The following GPHN variants were observed in gnomAD, a reference collection of about 807,000 sequenced individuals.
GPHN encodes the protein gephyrin.
GPHN carries 17 observed loss-of-function variants against 95.5 expected under a neutral mutation model. The observed-to-expected ratio is 0.18, with a 90% CI of 0.12 to 0.27. GPHN has a LOEUF of 0.27. Ranked by LOEUF, GPHN falls within the 10% of genes least tolerant of loss-of-function variation. GPHN has a pLI of 1.00. For missense variants in GPHN, 660 were observed against 978.1 expected (o/e 0.67, Z 4.34); for synonymous variants, 320 against 322.5 (o/e 0.99, Z 0.08).
intron 9 of GPHN, among the ~76,000 whole-genome samples, chr14:66,981,620 A>C (rs1051139503): frequency 6.6e-6 from 1 of 152,178 alleles, no homozygotes; most frequent in Non-Finnish European, 1.5e-5. Flanking sequence ...AAAAGCCATG[A>C]TATGGTATAA....
chr14:67,318,430 T>C, the GPHN span, among the ~76,000 whole-genome samples: 2,962 of 151,728 alleles, frequency 0.02, 40 homozygotes, highest in Middle Eastern at 0.034. Context: ...AATATCTCTT[T>C]TATTTTTTGA....
At chr14:67,724,613 T>C in the GPHN span, 3 of 1,528,352 alleles carry the variant, frequency 2.0e-6, no homozygotes, top group Non-Finnish European at 2.7e-6. Context: ...CCCTTTAGTC[T>C]CCAAAGGGCC....
the GPHN span, among the ~76,000 whole-genome samples, chr14:67,394,017 G>A: frequency 1.3e-5 from 2 of 152,148 alleles, no homozygotes; most frequent in Admixed American, 6.5e-5. Context: ...TGAGAAACTG[G>A]AATTGTCAGC....
At chr14:66,959,287 ATTTC>A (rs1267185587) in intron 8 of GPHN, among the ~76,000 whole-genome samples, 2 of 151,970 alleles carry the variant, frequency 1.3e-5, no homozygotes, top group Non-Finnish European at 2.9e-5. Flanking sequence ...AGAGTTCTGT[ATTTC>A]TTCATGTCAG....
intron 17 of GPHN, among the ~76,000 whole-genome samples, chr14:67,133,751 GAAACATGC>G (rs2153698877): frequency 6.6e-6 from 1 of 152,232 alleles, no homozygotes. Context: ...GATTTATTTT[GAAACATGC>G]TCCTCCTTTC....
At chr14:66,568,923 T>A (rs1307035166) in intron 1 of GPHN, among the ~76,000 whole-genome samples, 1 of 152,146 alleles carries the variant, frequency 6.6e-6, no homozygotes, top group African/African-American at 2.4e-5. Context: ...TGTTTATAAA[T>A]GTATGATTAG....
chr14:66,518,311 C>T (rs141255709), intron 1 of GPHN, among the ~76,000 whole-genome samples: 1 of 152,084 alleles, frequency 6.6e-6, no homozygotes, highest in East Asian at 1.9e-4. Context: ...CAGTTAGGAT[C>T]ACTGTTATCA....
chr14:67,473,975 G>T, the GPHN span: 11 of 1,530,950 alleles, frequency 7.2e-6, no homozygotes, highest in Non-Finnish European at 9.6e-6. This position sits in a 1 kb window ranked among gnomAD's most constrained non-coding sequence, Gnocchi z 6.5. Flanking sequence ...GGTGAGGGCC[G>T]GGCGCGGTGG....
At chr14:67,408,661 G>A in the GPHN span, among the ~76,000 whole-genome samples, 38 of 152,094 alleles carry the variant, frequency 2.5e-4, no homozygotes, top group African/African-American at 9.2e-4. Context: ...GAATGCCAAG[G>A]GTTGCCTGCA....
chr14:66,611,291 A>G (rs1292378160), intron 1 of GPHN, among the ~76,000 whole-genome samples: 1 of 152,118 alleles, frequency 6.6e-6, no homozygotes, highest in Non-Finnish European at 1.5e-5. Context: ...AATACATACA[A>G]AGCATTATTT....
At chr14:67,225,926 A>AGAGTGT in the GPHN span, among the ~76,000 whole-genome samples, 8 of 136,630 alleles carry the variant, frequency 5.9e-5, no homozygotes, top group South Asian at 4.8e-4. Flanking sequence ...TAATGCTGTG[A>AGAGTGT]GTGTGTGTGT....
intron 2 of GPHN, among the ~76,000 whole-genome samples, chr14:66,752,479 A>G (rs1382687899): frequency 1.3e-5 from 2 of 152,100 alleles, no homozygotes; most frequent in Non-Finnish European, 2.9e-5. Flanking sequence ...CTCAAGGAAT[A>G]AGGAGACCCA....
At chr14:67,430,055 A>T in the GPHN span, among the ~76,000 whole-genome samples, 9 of 152,222 alleles carry the variant, frequency 5.9e-5, no homozygotes, top group Non-Finnish European at 1.3e-4. Context: ...ATTAAGGCAC[A>T]CAAGGGAATC....
At chr14:66,559,237 C>T (rs2060130054) in intron 1 of GPHN, among the ~76,000 whole-genome samples, 1 of 151,790 alleles carries the variant, frequency 6.6e-6, no homozygotes, top group South Asian at 2.1e-4. Context: ...GATTTATAGT[C>T]CTTTGGGTAT....
chr14:66,922,343 A>T (rs2066268013), intron 6 of GPHN, among the ~76,000 whole-genome samples: 1 of 152,042 alleles, frequency 6.6e-6, no homozygotes, highest in Admixed American at 6.5e-5. Flanking sequence ...GTTCATGACA[A>T]AAATATTACA....
the GPHN span, among the ~76,000 whole-genome samples, chr14:67,511,438 G>A: frequency 3.9e-5 from 6 of 152,304 alleles, no homozygotes; most frequent in Admixed American, 1.3e-4. Context: ...TGTCCGTGTA[G>A]ATGGTTTGCC....
chr14:67,183,729 A>G (rs1164234777), downstream of GPHN, among the ~76,000 whole-genome samples: 1 of 151,556 alleles, frequency 6.6e-6, no homozygotes, highest in African/African-American at 2.4e-5. Flanking sequence ...AGGCCCAGCT[A>G]ATTTTTCTAT....
intron 11 of GPHN, among the ~76,000 whole-genome samples, chr14:67,070,715 A>AAAAAAAAAAAAAATATATATATATATAT: frequency 2.5e-5 from 2 of 80,684 alleles, no homozygotes; most frequent in African/African-American, 2.5e-4. Context: ...AAAAAAAAAA[A>AAAAAAAAAAAAAATATATATATATATAT]ATATATATAT....
chr14:66,619,797 T>A (rs967754313), intron 1 of GPHN, among the ~76,000 whole-genome samples: 3 of 152,218 alleles, frequency 2.0e-5, no homozygotes, highest in Non-Finnish European at 4.4e-5. Flanking sequence ...TCATTGGTAG[T>A]ATGTAGAAAT....
Sources: allele counts gnomAD v4.1 joint callset (sites outside exome capture counted in the v4.1 genomes callset), GRCh38; gene constraint gnomAD v4.1.1; non-coding constraint Gnocchi (gnomAD v3.1); transcripts MANE v1.5; gene names NCBI Gene and HGNC (gene_info 2026-07-23, HGNC 2026-07-21).